The following LINGO2 variants were observed in gnomAD, a reference collection of about 807,000 sequenced individuals.
LINGO2 encodes leucine-rich repeat and immunoglobulin-like domain-containing nogo receptor-interacting protein 2.
Under a neutral mutation model 30.6 loss-of-function variants are expected in LINGO2, and 14 were observed. The observed-to-expected ratio is 0.46, with a 90% CI of 0.30 to 0.72. The LOEUF (loss-of-function observed/expected upper bound fraction) is 0.72, where lower values mean the gene tolerates loss of function less well. LINGO2 is among the 30% of genes least tolerant of loss of function. The pLI, the probability that LINGO2 is intolerant of heterozygous loss-of-function variation, is 0.07. For synonymous variants in LINGO2, 317 were observed against 288.5 expected, an observed-to-expected ratio of 1.10 and a Z score of -1.00; for missense variants, 729 against 751.7, an observed-to-expected ratio of 0.97 and a Z score of 0.35.
chr9:28,771,381 G>T, the LINGO2 span, among the ~76,000 whole-genome samples: 1 of 150,218 alleles, frequency 6.7e-6, no homozygotes, highest in African/African-American at 2.4e-5. Flanking sequence ...ATCTGATGTT[G>T]ATCTGGGTAT....
At chr9:28,801,694 T>C in the LINGO2 span, among the ~76,000 whole-genome samples, 6 of 152,048 alleles carry the variant, frequency 3.9e-5, no homozygotes, top group Non-Finnish European at 7.4e-5. Flanking sequence ...TCTTTTCTTT[T>C]ACAAATCATT....
At chr9:28,956,435 T>C in the LINGO2 span, among the ~76,000 whole-genome samples, 1 of 152,162 alleles carries the variant, frequency 6.6e-6, no homozygotes, top group South Asian at 2.1e-4. Context: ...GTTTTTGTCT[T>C]GAAGTGGCAC....
At chr9:28,075,784 T>C (rs1825606156) in intron 4 of LINGO2, among the ~76,000 whole-genome samples, 1 of 152,042 alleles carries the variant, frequency 6.6e-6, no homozygotes. Flanking sequence ...AGAAATTCTT[T>C]ATATGTTACA....
intron 2 of LINGO2, among the ~76,000 whole-genome samples, chr9:28,460,134 C>T (rs1825019798): frequency 6.6e-6 from 1 of 152,020 alleles, no homozygotes; most frequent in South Asian, 2.1e-4. Context: ...TCAGCTATCC[C>T]TTTTTGACAC....
upstream of LINGO2, among the ~76,000 whole-genome samples, chr9:28,671,745 CT>C (rs1398903840): frequency 6.6e-6 from 1 of 151,814 alleles, no homozygotes; most frequent in Non-Finnish European, 1.5e-5. Context: ...ACGCATTTCC[CT>C]ATATAACAAA....
At chr9:28,928,641 G>C in the LINGO2 span, among the ~76,000 whole-genome samples, 3 of 152,134 alleles carry the variant, frequency 2.0e-5, no homozygotes, top group African/African-American at 7.2e-5. Context: ...CTTTGGCCAG[G>C]ACATGAAAAA....
chr9:28,330,863 G>A (rs1564127703), intron 3 of LINGO2, among the ~76,000 whole-genome samples: 3 of 152,144 alleles, frequency 2.0e-5, no homozygotes, highest in Admixed American at 6.5e-5. Flanking sequence ...ATTTAGGTAG[G>A]TTTTAATATG....
the LINGO2 span, among the ~76,000 whole-genome samples, chr9:28,902,631 T>G: frequency 2.0e-5 from 3 of 152,120 alleles, no homozygotes; most frequent in African/African-American, 7.2e-5. Context: ...GATAATACAC[T>G]GGGACAGAAA....
chr9:28,429,337 G>T (rs1473717368), intron 2 of LINGO2, among the ~76,000 whole-genome samples: 1 of 152,100 alleles, frequency 6.6e-6, no homozygotes, highest in African/African-American at 2.4e-5. Flanking sequence ...TAGTGATAGG[G>T]TAATAACAAA....
chr9:28,365,759 G>A (rs2134535073), intron 3 of LINGO2, among the ~76,000 whole-genome samples: 1 of 124,800 alleles, frequency 8.0e-6, no homozygotes, highest in Admixed American at 9.9e-5. Flanking sequence ...GGAACCTTTG[G>A]ATCCTCTTTT....
At chr9:28,084,498 G>T (rs1227458290) in intron 4 of LINGO2, among the ~76,000 whole-genome samples, 1 of 151,912 alleles carries the variant, frequency 6.6e-6, no homozygotes, top group South Asian at 2.1e-4. Context: ...CCTGGTATAC[G>T]CCAGGTACTT....
the LINGO2 span, among the ~76,000 whole-genome samples, chr9:29,010,333 C>A: frequency 6.6e-6 from 1 of 152,060 alleles, no homozygotes; most frequent in Non-Finnish European, 1.5e-5. Context: ...TAATACTTGA[C>A]AAAGTCATGT....
chr9:28,623,012 C>A (rs1422464657), intron 1 of LINGO2, among the ~76,000 whole-genome samples: 3 of 151,940 alleles, frequency 2.0e-5, no homozygotes, highest in Non-Finnish European at 2.9e-5. Flanking sequence ...CTATTCAAAT[C>A]TTTTGCCCAT....
At chr9:29,014,590 T>C in the LINGO2 span, among the ~76,000 whole-genome samples, 2 of 152,214 alleles carry the variant, frequency 1.3e-5, no homozygotes, top group Non-Finnish European at 2.9e-5. Context: ...AATAAGTGTT[T>C]TGCTCAAAAC....
chr9:28,698,916 C>A, the LINGO2 span, among the ~76,000 whole-genome samples: 43 of 152,048 alleles, frequency 2.8e-4, no homozygotes, highest in African/African-American at 9.6e-4. Context: ...GTGGTGTGCA[C>A]CTGTAGTCCT....
chr9:28,376,971 T>C (rs997476718), intron 2 of LINGO2, among the ~76,000 whole-genome samples: 3 of 150,202 alleles, frequency 2.0e-5, no homozygotes, highest in Non-Finnish European at 4.4e-5. Flanking sequence ...TATTACACAA[T>C]AGCTACAATT....
At chr9:28,521,407 G>C (rs1478887054) in intron 1 of LINGO2, among the ~76,000 whole-genome samples, 3 of 152,100 alleles carry the variant, frequency 2.0e-5, no homozygotes, top group Non-Finnish European at 4.4e-5. Context: ...GCCAAACCTA[G>C]AAATAGATTC....
At chr9:28,178,192 GGA>G (rs1174193520) in intron 4 of LINGO2, among the ~76,000 whole-genome samples, 2 of 151,980 alleles carry the variant, frequency 1.3e-5, no homozygotes, top group Admixed American at 1.3e-4. Flanking sequence ...CATAAAACAT[GGA>G]GTGAAATCAA....
At chr9:28,985,283 A>C in the LINGO2 span, among the ~76,000 whole-genome samples, 1 of 152,094 alleles carries the variant, frequency 6.6e-6, no homozygotes. Context: ...ATGAACACTT[A>C]GGTTGATTCC....
Sources: allele counts gnomAD v4.1 joint callset (sites outside exome capture counted in the v4.1 genomes callset), GRCh38; gene constraint gnomAD v4.1.1; transcripts MANE v1.5; gene names NCBI Gene and HGNC (gene_info 2026-07-23, HGNC 2026-07-21).